LYPD6B: variants seen among roughly 807,000 people sequenced by gnomAD.
LYPD6B encodes the protein ly6/PLAUR domain-containing protein 6B.
Under a neutral mutation model 22.8 loss-of-function variants are expected in LYPD6B, and 17 were observed. The observed-to-expected ratio is 0.75, with a 90% CI of 0.51 to 1.12. The LOEUF is 1.12. Ranked by LOEUF, LYPD6B falls within the 50% of genes most tolerant of loss-of-function variation. LYPD6B has a pLI of 0.00. For missense variants in LYPD6B, 221 were observed against 258.3 expected (o/e 0.86, Z 0.99); for synonymous variants, 106 against 91.6 (o/e 1.16, Z -0.90).
At chr2:149,119,193 A>G (rs1285043591) in intron 1 of LYPD6B, 2 of 152,262 alleles carry the variant, frequency 1.3e-5, no homozygotes, top group Non-Finnish European at 2.9e-5. Flanking sequence ...GTGTAATTAA[A>G]GAAAATTATT....
chr2:149,213,775 G>A (rs897708606), intron 6 of LYPD6B, among the ~76,000 whole-genome samples: 10 of 152,118 alleles, frequency 6.6e-5, no homozygotes, highest in African/African-American at 1.7e-4. Flanking sequence ...GATGCAGGCC[G>A]GCAGGCTCTC....
intron 3 of LYPD6B, among the ~76,000 whole-genome samples, chr2:149,175,061 C>CTCTCTCTCTCTCTCTCTGTGTGTG (rs1454802925): frequency 8.8e-6 from 1 of 113,002 alleles, no homozygotes; most frequent in African/African-American, 3.2e-5. Flanking sequence ...CTCTCTCTCT[C>CTCTCTCTCTCTCTCTCTGTGTGTG]TGTGTGTGTG....
At position 149,099,614 on chromosome 2, in the gene LYPD6B, C is replaced by T. The variant is rs375346157; in HGVS notation, c.-66-31269C>T. Among the ~76,000 whole-genome samples, 54 of 152,292 alleles carry T rather than the reference C, an allele frequency of 3.5e-4. No individual in the cohort carries two copies. The South Asian group carries it at 4.1e-3, about 12-fold the overall frequency. ...GTGAGTCCCAATAACCAGGAGGTAG[C>T]TAGGTCTGTCTTCGGCCTCCAAGAG... On this transcript the variant is annotated intron_variant, in intron 1 of 6. Coordinates refer to ENST00000409642, the MANE Select transcript of LYPD6B (RefSeq NM_177964.5).
intron 2 of LYPD6B, among the ~76,000 whole-genome samples, chr2:149,133,746 C>T (rs185911898): frequency 7.7e-4 from 118 of 152,316 alleles, no homozygotes; most frequent in Non-Finnish European, 1.4e-3. Flanking sequence ...AATGTTCTTT[C>T]TACCTTCATT....
intron 3 of LYPD6B, among the ~76,000 whole-genome samples, chr2:149,203,621 A>T (rs531731960): frequency 3.3e-5 from 5 of 152,340 alleles, no homozygotes; most frequent in African/African-American, 1.2e-4. Flanking sequence ...AATTATATAT[A>T]TTTGTATATA....
chr2:149,131,087 TTA>T, intron 2 of LYPD6B, 134 bp downstream of exon 2: 1 of 653,670 alleles, frequency 1.5e-6, no homozygotes, highest in East Asian at 2.7e-5. Flanking sequence ...ATCTCAGGGA[TTA>T]TGCTGCTTGT....
Position 149,166,139 on chromosome 2 carries a change from G to A in LYPD6B, c.77+5304G>A, listed in dbSNP as rs145956697. Among the ~76,000 whole-genome samples the A allele has an allele frequency of 3.2e-3, 484 of 152,058 alleles. 1 individual carries two copies. Among genetic ancestry groups the A allele is most frequent in the Non-Finnish European group, 5.5e-3 (377 of 67,948 alleles). ...CCTTTCAGGTAGCCTCTTATTTTTT[G>A]GTTTCAAGTAATCAGAAAGACTTAG... is the stretch of plus-strand genomic sequence containing the variant. On this transcript the variant is annotated intron_variant, in intron 3 of 6. Coordinates refer to ENST00000409642, the MANE Select transcript of LYPD6B (RefSeq NM_177964.5).
chr2:149,159,103 C>A (rs1174731985), intron 2 of LYPD6B, among the ~76,000 whole-genome samples: 1 of 151,706 alleles, frequency 6.6e-6, no homozygotes, highest in Non-Finnish European at 1.5e-5. Context: ...ACTTTGGTGT[C>A]GTATTTCATG....
intron 1 of LYPD6B, among the ~76,000 whole-genome samples, chr2:149,057,169 A>G (rs1362149630): frequency 6.6e-6 from 1 of 152,086 alleles, no homozygotes; most frequent in Admixed American, 6.5e-5. Context: ...TTACTTTTCT[A>G]TTTAAAAAGA....
At chr2:149,059,684 C>A (rs530395199) in intron 1 of LYPD6B, among the ~76,000 whole-genome samples, 2 of 152,314 alleles carry the variant, frequency 1.3e-5, no homozygotes, top group African/African-American at 4.8e-5. Flanking sequence ...ACCCTGCTGA[C>A]CCTGGGCTGA....
At chr2:149,051,699 T>G (rs958283686) in intron 1 of LYPD6B, among the ~76,000 whole-genome samples, 1 of 152,148 alleles carries the variant, frequency 6.6e-6, no homozygotes, top group African/African-American at 2.4e-5. Context: ...GGAGTCTCAC[T>G]CTGTTGCCGA....
intron 3 of LYPD6B, among the ~76,000 whole-genome samples, chr2:149,200,246 C>T (rs1176615807): frequency 4.6e-5 from 7 of 152,192 alleles, no homozygotes; most frequent in Admixed American, 4.6e-4. Context: ...ATTTTATTGG[C>T]AGCTGAAGTT....
At chr2:149,052,802 A>G (rs1335691551) in intron 1 of LYPD6B, among the ~76,000 whole-genome samples, 1 of 152,240 alleles carries the variant, frequency 6.6e-6, no homozygotes, top group African/African-American at 2.4e-5. Flanking sequence ...AAAATAAAAT[A>G]ACAATGTTCT....
In LYPD6B at chr2:149,057,948, G is replaced by A. The variant is rs746379842; in HGVS notation, c.-67+19147G>A. Among the ~76,000 whole-genome samples the A allele has an allele frequency of 2.6e-5, 4 of 152,288 alleles. No homozygotes were observed. The South Asian group carries it at 8.3e-4, about 32-fold the overall frequency. On this transcript the variant is annotated intron_variant, in intron 1 of 6. Transcript: ENST00000409642. ...TTACCATAGCCTAAGCCCTAGAGTG[G>A]CCTGGAACTTGCTAATGGGGACCGA...
intron 3 of LYPD6B, among the ~76,000 whole-genome samples, chr2:149,203,542 C>T (rs1420826370): frequency 1.3e-5 from 2 of 152,120 alleles, no homozygotes; most frequent in African/African-American, 4.8e-5. Context: ...TCAGAAAGAG[C>T]ATAAGAATGG....
chr2:149,194,007 T>G lies in LYPD6B; in HGVS notation c.78-11246T>G, dbSNP rs1302493899. Among the ~76,000 whole-genome samples, 3 of 152,174 alleles carry G rather than the reference T, an allele frequency of 2.0e-5. No individual in the cohort carries two copies. In the East Asian group the frequency reaches 5.8e-4, roughly 29 times the overall value. On this transcript the variant is annotated intron_variant, in intron 3 of 6. Transcript: ENST00000409642. ...GAAGTTCAAGGATCTTGCCCATCTC[T>G]CTCTGCTTATTTAATGATGTGCTTT...
chr2:149,122,033 C>T (rs1305728083), intron 1 of LYPD6B, among the ~76,000 whole-genome samples: 1 of 152,190 alleles, frequency 6.6e-6, no homozygotes, highest in Non-Finnish European at 1.5e-5. Context: ...CAAACTATCA[C>T]CATAATTGTG....
At chr2:149,100,360 C>A (rs1686136352) in intron 1 of LYPD6B, among the ~76,000 whole-genome samples, 2 of 145,952 alleles carry the variant, frequency 1.4e-5, no homozygotes, top group Admixed American at 1.4e-4. Flanking sequence ...TATTCAAAAG[C>A]AGCCCCTTTT....
chr2:149,048,749 C>A (rs1392542716), intron 1 of LYPD6B, among the ~76,000 whole-genome samples: 2 of 152,168 alleles, frequency 1.3e-5, no homozygotes, highest in Non-Finnish European at 2.9e-5. Context: ...ACATCCTGAG[C>A]AGAAATCAAA....
Sources: gnomAD v4.1 joint callset for allele counts (sites outside exome capture counted in the v4.1 genomes callset) on GRCh38, gnomAD v4.1.1 for gene constraint, MANE v1.5 for transcripts, NCBI Gene and HGNC (gene_info 2026-07-23, HGNC 2026-07-21) for gene names.